CTBP2: variants seen among roughly 807,000 people sequenced by gnomAD.
The protein encoded by CTBP2 is C-terminal-binding protein 2.
CTBP2 carries 30 observed loss-of-function variants against 80.3 expected under a neutral mutation model. The ratio of observed to expected loss-of-function variants is 0.37; its 90% CI spans 0.28 to 0.51. CTBP2 has a LOEUF of 0.51. Ranked by LOEUF, CTBP2 falls within the 20% of genes least tolerant of loss-of-function variation. The pLI, the probability that CTBP2 is intolerant of heterozygous loss-of-function variation, is 0.93. For synonymous variants in CTBP2, 594 were observed against 587.4 expected (o/e 1.01, Z -0.16); for missense variants, 1,212 against 1,375.3 (o/e 0.88, Z 1.88).
At chr10:124,998,861 G>C (rs907199687) in intron 3 of CTBP2, 3 of 155,328 alleles carry the variant, frequency 1.9e-5, no homozygotes, top group Non-Finnish European at 4.3e-5. Context: ...GGGTGGCTTG[G>C]GGTGAGCCCT....
upstream of CTBP2, among the ~76,000 whole-genome samples, chr10:125,161,800 C>G (rs1861915145): frequency 6.6e-6 from 1 of 151,964 alleles, no homozygotes; most frequent in Non-Finnish European, 1.5e-5. Flanking sequence ...CCCCGGGTCT[C>G]GAGGAGGGAG....
chr10:125,038,791 C>G (rs1330456502), intron 3 of CTBP2, among the ~76,000 whole-genome samples: 1 of 152,220 alleles, frequency 6.6e-6, no homozygotes, highest in African/African-American at 2.4e-5. Flanking sequence ...GTCCCCAACC[C>G]CGCCCCAGAA....
At chr10:125,114,834 A>G (rs552472598) in intron 1 of CTBP2, among the ~76,000 whole-genome samples, 3 of 133,044 alleles carry the variant, frequency 2.3e-5, no homozygotes, top group African/African-American at 5.6e-5. Context: ...CCAGGCGAGC[A>G]GCTCAACCTG....
intron 2 of CTBP2, among the ~76,000 whole-genome samples, chr10:125,079,465 C>T (rs1033887290): frequency 4.6e-5 from 7 of 152,180 alleles, no homozygotes; most frequent in East Asian, 3.8e-4. Flanking sequence ...TGCCATACTC[C>T]GCATTCTCCT....
At chr10:125,023,600 T>C (rs1266553259) in intron 1 of CTBP2, among the ~76,000 whole-genome samples, 1 of 152,108 alleles carries the variant, frequency 6.6e-6, no homozygotes. Flanking sequence ...GAGCCCCCAT[T>C]TGTCTGTGTC....
At chr10:125,056,949 C>T (rs1157662133) in intron 2 of CTBP2, among the ~76,000 whole-genome samples, 1 of 152,194 alleles carries the variant, frequency 6.6e-6, no homozygotes. Flanking sequence ...CCCCTCATTG[C>T]TTTCTCCATC....
At chr10:125,038,705 T>C (rs1959140118) in intron 3 of CTBP2, among the ~76,000 whole-genome samples, 1 of 152,212 alleles carries the variant, frequency 6.6e-6, no homozygotes. Flanking sequence ...CAACACCATC[T>C]TTTATATGCA....
intron 1 of CTBP2, among the ~76,000 whole-genome samples, chr10:125,157,056 C>T (rs946518758): frequency 6.6e-6 from 1 of 152,294 alleles, no homozygotes; most frequent in East Asian, 1.9e-4. Flanking sequence ...GTGTTTTTTA[C>T]AATGGCAGTA....
intron 1 of CTBP2, chr10:125,006,050 C>T (rs1042275270): frequency 6.0e-5 from 81 of 1,348,292 alleles, no homozygotes; most frequent in Non-Finnish European, 7.2e-5. Flanking sequence ...TGCATGGATC[C>T]GTTACCAGGG....
At position 124,997,548 on chromosome 10, in the gene CTBP2, C is replaced by T. The variant is rs1253080141; in HGVS notation, c.2185+416G>A. The T allele has an allele frequency of 1.5e-5, 3 of 203,260 alleles. No individual in the cohort carries two copies. The Admixed American group carries it at 1.6e-4, about 11-fold the overall frequency. 12.6% of individuals were successfully genotyped at this position (203,260 alleles called of 1,614,324 possible). A position where few individuals can be genotyped will look rare whatever the true frequency, so the allele number is the denominator to read the frequency against. ...ATTTGAAGGCCTTCAGGAGTGAGGC[C>T]ATGTCCATAACCCGCGTCTCCACTG... On this transcript the variant is annotated intron_variant, in intron 4 of 8. Coordinates refer to ENST00000309035, the MANE Select transcript of CTBP2 (RefSeq NM_022802.3).
intron 1 of CTBP2, among the ~76,000 whole-genome samples, chr10:125,018,452 T>C (rs1257043573): frequency 6.6e-6 from 1 of 152,084 alleles, no homozygotes; most frequent in Non-Finnish European, 1.5e-5. Flanking sequence ...ATTGTTCCAC[T>C]GCACTCCAGC....
chr10:124,995,896 C>T (rs1488989231), intron 4 of CTBP2, among the ~76,000 whole-genome samples: 1 of 152,120 alleles, frequency 6.6e-6, no homozygotes, highest in Non-Finnish European at 1.5e-5. Flanking sequence ...TTCCCCCGTT[C>T]CTGCAGCCTC....
At chr10:125,015,495 G>A (rs115849979) in intron 1 of CTBP2, among the ~76,000 whole-genome samples, 2,376 of 152,282 alleles carry the variant, frequency 0.016, 59 homozygotes, top group African/African-American at 0.054. Context: ...CCCCTGCCTC[G>A]CTGGGGCCAC....
In CTBP2 at chr10:124,992,838, C is replaced by T. The variant is rs751891313; in HGVS notation, c.2660-26G>A. 3.3e-6 allele frequency: 5 copies of T among 1,535,722 alleles called. No homozygotes were observed. The African/African-American group carries it at 5.5e-5, about 17-fold the overall frequency. On this transcript the variant is annotated intron_variant, in intron 7 of 8. Transcript: ENST00000309035. ...CTAGGGTAAGATGATTAAAATTAAT[C>T]ATATTATTTTTACAAATCACAGTAA...
At chr10:125,126,684 C>T (rs1209146731) in intron 1 of CTBP2, among the ~76,000 whole-genome samples, 3 of 152,246 alleles carry the variant, frequency 2.0e-5, no homozygotes, top group Non-Finnish European at 2.9e-5. Flanking sequence ...CTCCCCTAGG[C>T]GCCAACATTC....
At chr10:125,033,628 G>T (rs1958507784) in intron 3 of CTBP2, among the ~76,000 whole-genome samples, 1 of 152,160 alleles carries the variant, frequency 6.6e-6, no homozygotes, top group Non-Finnish European at 1.5e-5. Flanking sequence ...CTGCTGTCTG[G>T]CTACCCTGGG....
At chr10:125,065,719 C>A (rs1293532277) in intron 2 of CTBP2, among the ~76,000 whole-genome samples, 1 of 152,200 alleles carries the variant, frequency 6.6e-6, no homozygotes, top group Non-Finnish European at 1.5e-5. Context: ...ACTAAATTTA[C>A]ATCCATTCGT....
At chr10:125,037,577 G>A (rs1208111525) in intron 3 of CTBP2, among the ~76,000 whole-genome samples, 4 of 152,190 alleles carry the variant, frequency 2.6e-5, no homozygotes, top group Non-Finnish European at 5.9e-5. Flanking sequence ...GTCTCTGAAA[G>A]TCAAAAAAGC....
chr10:125,142,442 G>A (rs976017388), intron 1 of CTBP2, among the ~76,000 whole-genome samples: 3 of 152,290 alleles, frequency 2.0e-5, no homozygotes, highest in East Asian at 3.9e-4. Context: ...TATCAAAAAG[G>A]AGTGATTTCC....
Sources: gnomAD v4.1 joint callset for allele counts (sites outside exome capture counted in the v4.1 genomes callset) on GRCh38, gnomAD v4.1.1 for gene constraint, MANE v1.5 for transcripts, NCBI Gene and HGNC (gene_info 2026-07-23, HGNC 2026-07-21) for gene names.